XPR1: variants seen among roughly 807,000 people sequenced by gnomAD.
The protein encoded by XPR1 is solute carrier family 53 member 1.
In XPR1, 28 loss-of-function variants were observed where a neutral mutation model predicts 87.5. The ratio of observed to expected loss-of-function variants is 0.32; its 90% confidence interval spans 0.24 to 0.44. XPR1 has a LOEUF of 0.44. Among genes scored for constraint, XPR1 ranks in the 20% least tolerant of loss-of-function variants. XPR1 has a pLI of 1.00. For synonymous variants in XPR1, 300 were observed against 306.1 expected (o/e 0.98, Z 0.21); for missense variants, 559 against 862.3 (o/e 0.65, Z 4.41).
chr1:180,888,681 G>A lies in XPR1; in HGVS notation c.*4615G>A, dbSNP rs978809174. ...TGCTTGTGATCATTAGCTAAGACAA[G>A]GAGTGTTAAAGGTTTTCTAAATGCA... is the stretch of plus-strand genomic sequence containing the variant. On this transcript the variant is annotated 3_prime_UTR_variant, in exon 15 of 15. Coordinates refer to ENST00000367590, the MANE Select transcript of XPR1 (RefSeq NM_004736.4). 1.3e-5 allele frequency: 2 copies of A among 152,154 alleles called. No individual in the cohort carries two copies. The highest frequency in any genetic ancestry group is 4.8e-5 in the African/African-American group (2 of 41,444). 9.4% of individuals were successfully genotyped at this position (152,154 alleles called of 1,614,324 possible). A position where few individuals can be genotyped will look rare whatever the true frequency, so the allele number is the denominator to read the frequency against.
intron 7 of XPR1, among the ~76,000 whole-genome samples, chr1:180,813,461 T>C (rs1650299575): frequency 6.6e-6 from 1 of 152,174 alleles, no homozygotes. Context: ...CCTGACATTA[T>C]ATATTATATA....
chr1:180,778,664 TG>T (rs1648815917), intron 2 of XPR1, among the ~76,000 whole-genome samples: 1 of 152,124 alleles, frequency 6.6e-6, no homozygotes, highest in Non-Finnish European at 1.5e-5. Context: ...TATTGCCAAA[TG>T]TCCCTTTGTC....
intron 1 of XPR1, among the ~76,000 whole-genome samples, chr1:180,648,560 G>A (rs1456756071): frequency 1.3e-5 from 2 of 152,208 alleles, no homozygotes; most frequent in Admixed American, 6.5e-5. Flanking sequence ...AGGCTGGAGT[G>A]CAGTAGCACA....
intron 2 of XPR1, among the ~76,000 whole-genome samples, chr1:180,708,765 T>C (rs1395263509): frequency 2.0e-5 from 3 of 152,174 alleles, no homozygotes; most frequent in African/African-American, 7.2e-5. Context: ...GTTTAATTTT[T>C]TATGTTGTAA....
chr1:180,811,569 A>G, intron 7 of XPR1, 81 bp downstream of exon 7: 1 of 1,081,486 alleles, frequency 9.2e-7, no homozygotes, highest in South Asian at 1.6e-5. Context: ...GGAATTATGC[A>G]TGCAACTACC....
Position 180,825,229 on chromosome 1 carries a change from G to A in XPR1, c.1019G>A (p.Ser340Asn), listed in dbSNP as rs550012177. The A allele has an allele frequency of 3.7e-6, 6 of 1,613,962 alleles. No individual in the cohort carries two copies. The South Asian group carries it at 4.4e-5, about 12-fold the overall frequency. The change falls in exon 9 of 15, where the codon AGT (serine) becomes AAT (asparagine). Residue 340 changes from serine (S) to asparagine (N), a missense_variant. Ser to Asn is a conservative substitution (Grantham distance 46, BLOSUM62 1). Around this residue, in one of 7 missense-constraint regions of XPR1, gnomAD observed 264 missense variants for 377.2 expected, o/e 0.70. Coordinates refer to ENST00000367590, the MANE Select transcript of XPR1 (RefSeq NM_004736.4). ...CTGGCATGCTTCTTTGCTCCAATTA[G>A]TGTCATCCCCACATATGTGTATCCA... ...SLLACFFAPI[S>N]VIPTYVYPLA...
rs1274691477 is a variant in XPR1 at position 180,632,086 on chromosome 1, G to A, written c.-116G>A. The A allele has an allele frequency of 3.9e-6, 5 of 1,272,806 alleles. No individual in the cohort carries two copies. Among genetic ancestry groups the A allele is most frequent in the Non-Finnish European group, 5.6e-6 (5 of 895,438 alleles). 78.8% of individuals were successfully genotyped at this position (1,272,806 alleles called of 1,614,324 possible). Reference sequence around the variant, plus strand: ...AGAGACCTCGGCGGCGGCGGAGGAGGAGAGAAGCGCAGCGCCGCGCCGCGC... The same window carrying A: ...AGAGACCTCGGCGGCGGCGGAGGAGAAGAGAAGCGCAGCGCCGCGCCGCGC... On this transcript the variant is annotated 5_prime_UTR_variant, in exon 1 of 15. Transcript: ENST00000367590.
intron 2 of XPR1, among the ~76,000 whole-genome samples, chr1:180,725,019 G>T (rs1658290261): frequency 6.6e-6 from 1 of 152,170 alleles, no homozygotes; most frequent in African/African-American, 2.4e-5. Context: ...GAACATTTCA[G>T]ACCTTAACTT....
intron 2 of XPR1, among the ~76,000 whole-genome samples, chr1:180,734,186 A>G (rs1658650890): frequency 6.6e-6 from 1 of 152,182 alleles, no homozygotes; most frequent in Non-Finnish European, 1.5e-5. Flanking sequence ...TGTGTTACCA[A>G]AACACCGGGG....
At chr1:180,745,377 T>TGAGCAAGAGAGTCC (rs1365455289) in intron 2 of XPR1, among the ~76,000 whole-genome samples, 1 of 151,768 alleles carries the variant, frequency 6.6e-6, no homozygotes, top group African/African-American at 2.4e-5. Context: ...AGAGCACGAG[T>TGAGCAAGAGAGTCC]GAGCAAGAGA....
At chr1:180,755,899 G>T (rs535683429) in intron 2 of XPR1, among the ~76,000 whole-genome samples, 17 of 152,286 alleles carry the variant, frequency 1.1e-4, no homozygotes, top group Admixed American at 2.6e-4. Context: ...AAACAAATCA[G>T]AGCTCCTTGA....
At chr1:180,818,967 A>G (rs1650513420) in intron 7 of XPR1, among the ~76,000 whole-genome samples, 1 of 151,934 alleles carries the variant, frequency 6.6e-6, no homozygotes, top group Non-Finnish European at 1.5e-5. Context: ...TTTTTCCTTC[A>G]GAGACAGGGT....
intron 7 of XPR1, among the ~76,000 whole-genome samples, chr1:180,823,637 A>G (rs966675247): frequency 2.0e-5 from 3 of 152,236 alleles, no homozygotes; most frequent in African/African-American, 7.2e-5. Context: ...AGGCTAAGGT[A>G]TCTAAAGTAT....
At position 180,889,666 on chromosome 1, in the gene XPR1, G is replaced by A. The variant is rs1216002379; in HGVS notation, c.*5600G>A. On this transcript the variant is annotated 3_prime_UTR_variant, in exon 15 of 15. Coordinates refer to ENST00000367590, the MANE Select transcript of XPR1 (RefSeq NM_004736.4). ...CAAAAAGAACAGAACTCTTAATCAC[G>A]TTGTGAAGATTAATTTCTTGCCATT... is the stretch of plus-strand genomic sequence containing the variant. 1.3e-5 allele frequency: 2 copies of A among 152,170 alleles called. No homozygotes were observed. The highest frequency in any genetic ancestry group is 6.5e-5 in the Admixed American group (1 of 15,278). 9.4% of individuals were successfully genotyped at this position (152,170 alleles called of 1,614,324 possible). A position where few individuals can be genotyped will look rare whatever the true frequency, so the allele number is the denominator to read the frequency against.
At chr1:180,854,252 C>G (rs568961711) in intron 11 of XPR1, among the ~76,000 whole-genome samples, 2 of 152,352 alleles carry the variant, frequency 1.3e-5, no homozygotes, top group African/African-American at 4.8e-5. Context: ...GGTCAGGAAA[C>G]TAAGCTTCCA....
rs1013212255 is a variant in XPR1, at chr1:180,836,450, A to G, written c.1307-72A>G. On this transcript the variant is annotated intron_variant, in intron 10 of 14. Coordinates refer to ENST00000367590, the MANE Select transcript of XPR1 (RefSeq NM_004736.4). ...CTTTTTTAGACTTGGTATTAGCTAC[A>G]CTATATGGCTAAATGATGTGAACAA... The G allele has an allele frequency of 5.8e-6, 9 of 1,561,148 alleles. No homozygotes were observed. The South Asian group carries it at 6.8e-5, about 12-fold the overall frequency.
At chr1:180,651,294 G>T (rs1169672959) in intron 1 of XPR1, among the ~76,000 whole-genome samples, 1 of 152,074 alleles carries the variant, frequency 6.6e-6, no homozygotes, top group Non-Finnish European at 1.5e-5. Flanking sequence ...GTTTCACCAT[G>T]TTGGCCAGGC....
intron 2 of XPR1, among the ~76,000 whole-genome samples, chr1:180,690,605 G>A (rs1656945088): frequency 6.6e-6 from 1 of 151,772 alleles, no homozygotes. Context: ...GCTTCCTCTT[G>A]CAGTCTAATA....
chr1:180,752,173 A>G lies in XPR1; in HGVS notation c.122-35580A>G, dbSNP rs145916825. 2.9e-3 allele frequency among the ~76,000 whole-genome samples: 443 copies of G among 152,320 alleles called. 3 individuals are homozygous for G. Among genetic ancestry groups the G allele is most frequent in the African/African-American group, 9.6e-3 (401 of 41,582 alleles). On this transcript the variant is annotated intron_variant, in intron 2 of 14. Coordinates refer to ENST00000367590, the MANE Select transcript of XPR1 (RefSeq NM_004736.4). ...TCACTCACAGGCTGGGATGCTAACC[A>G]TGGCTGGCAGAAGATGCAATGGGAT...
Sources: allele counts gnomAD v4.1 joint callset (sites outside exome capture counted in the v4.1 genomes callset), GRCh38; gene constraint gnomAD v4.1.1; regional missense constraint gnomAD v4.1.1; transcripts MANE v1.5; gene names NCBI Gene and HGNC (gene_info 2026-07-23, HGNC 2026-07-21).